The following NSUN3 variants were observed in gnomAD, a reference collection of about 807,000 sequenced individuals.
NSUN3 encodes tRNA (cytosine(34)-C(5))-methyltransferase, mitochondrial.
A neutral mutation model predicts 36.8 loss-of-function variants in NSUN3; 24 were observed. That is an observed-to-expected ratio of 0.65 (90% CI 0.47 to 0.92). The LOEUF (loss-of-function observed/expected upper bound fraction) is 0.92. NSUN3 is among the 40% of genes least tolerant of loss of function. NSUN3 has a pLI of 0.00. For synonymous variants in NSUN3, 146 were observed against 145.2 expected, an observed-to-expected ratio of 1.01 and a Z score of -0.04; for missense variants, 381 against 392.8, an observed-to-expected ratio of 0.97 and a Z score of 0.25.
At chr3:94,112,578 A>G (rs2077422228) in intron 5 of NSUN3, among the ~76,000 whole-genome samples, 1 of 152,196 alleles carries the variant, frequency 6.6e-6, no homozygotes, top group Non-Finnish European at 1.5e-5. Flanking sequence ...CAACCTCACA[A>G]TCCAGGGTGG....
chr3:94,083,300 G>A (rs536075943), intron 2 of NSUN3, among the ~76,000 whole-genome samples: 1 of 152,268 alleles, frequency 6.6e-6, no homozygotes, highest in African/African-American at 2.4e-5. Flanking sequence ...ACACAGCAAA[G>A]CAAGGAAAGA....
chr3:94,128,150 G>A lies in NSUN3; in HGVS notation c.*1660G>A, dbSNP rs2077494995. ...GAGGCAGGAGAATCACTTGAACCCAGGAGGCAGAGGTTGCAGTTAGCCAAG... is the reference window on the plus strand; with the variant it reads ...GAGGCAGGAGAATCACTTGAACCCAAGAGGCAGAGGTTGCAGTTAGCCAAG... On this transcript the variant is annotated 3_prime_UTR_variant, in exon 6 of 6. Coordinates refer to ENST00000314622, the MANE Select transcript of NSUN3 (RefSeq NM_022072.5). 1 of 152,134 alleles carries A rather than the reference G, an allele frequency of 6.6e-6. No individual in the cohort carries two copies. Among genetic ancestry groups the A allele is most frequent in the Non-Finnish European group, 1.5e-5 (1 of 68,048 alleles). The allele number at this position is 152,134 out of a possible 1,614,324, so 9.4% of individuals were successfully genotyped here. A position where few individuals can be genotyped will look rare whatever the true frequency, so the allele number is the denominator to read the frequency against.
In NSUN3 at chr3:94,076,620, G is replaced by T. The variant is rs2077247618; in HGVS notation, c.123-7487G>T. 8.5e-6 allele frequency: 8 copies of T among 938,810 alleles called. No individual in the cohort carries two copies. In the East Asian group the frequency reaches 9.5e-5, roughly 11 times the overall value. The allele number at this position is 938,810 out of a possible 1,614,324, so 58.2% of individuals were successfully genotyped here. ...CTAAGTAAGTGCCCACTGAGATTTG[G>T]CCAAGAAAGCCCATAGCCTTTTTTC... is the stretch of plus-strand genomic sequence containing the variant. On this transcript the variant is annotated intron_variant, in intron 2 of 5. Coordinates refer to ENST00000314622, the MANE Select transcript of NSUN3 (RefSeq NM_022072.5).
intron 2 of NSUN3, among the ~76,000 whole-genome samples, chr3:94,066,740 G>GT (rs1290124650): frequency 2.6e-5 from 4 of 152,094 alleles, no homozygotes; most frequent in Non-Finnish European, 4.4e-5. Flanking sequence ...CCATACTTCT[G>GT]TTTTTTAGCA....
intron 4 of NSUN3, 69 bp from the exon 5 acceptor site, chr3:94,094,963 CT>C (rs2077331369): frequency 1.3e-6 from 2 of 1,521,464 alleles, no homozygotes; most frequent in Admixed American, 3.5e-5. Flanking sequence ...TAGAGAACTT[CT>C]CTATCTACTT....
At chr3:94,090,853 A>G (rs373777893) in intron 3 of NSUN3, among the ~76,000 whole-genome samples, 1 of 152,248 alleles carries the variant, frequency 6.6e-6, no homozygotes. Context: ...AGGAATAAAA[A>G]ACAAAGCCAG....
In NSUN3 at chr3:94,076,234, C is replaced by T. The variant is rs2077245153; in HGVS notation, c.123-7873C>T. 5 of 919,578 alleles carry T rather than the reference C, an allele frequency of 5.4e-6. No homozygotes were observed. In the South Asian group the frequency reaches 6.5e-5, roughly 12 times the overall value. 57.0% of individuals were successfully genotyped at this position (919,578 alleles called of 1,614,324 possible). A position where few individuals can be genotyped will look rare whatever the true frequency, so the allele number is the denominator to read the frequency against. On this transcript the variant is annotated intron_variant, in intron 2 of 5. Coordinates refer to ENST00000314622, the MANE Select transcript of NSUN3 (RefSeq NM_022072.5). ...ACTACTGAACCTGGAATATTTCATC[C>T]ATGTGACTCAGAGGAATGCAACATA...
intron 2 of NSUN3, among the ~76,000 whole-genome samples, chr3:94,078,860 A>G (rs1000774068): frequency 6.6e-6 from 1 of 152,074 alleles, no homozygotes; most frequent in African/African-American, 2.4e-5. Flanking sequence ...TGAATACAGC[A>G]CACTGCTGGG....
chr3:94,087,629 G>T (rs1335867209), intron 3 of NSUN3, among the ~76,000 whole-genome samples: 2 of 152,162 alleles, frequency 1.3e-5, no homozygotes, highest in Non-Finnish European at 2.9e-5. Context: ...CTGGCTGAAG[G>T]CTATGTCCCT....
intron 5 of NSUN3, among the ~76,000 whole-genome samples, chr3:94,096,046 A>C (rs1202476008): frequency 6.6e-6 from 1 of 151,636 alleles, no homozygotes; most frequent in Non-Finnish European, 1.5e-5. Flanking sequence ...GGCGTGAGCC[A>C]CCACGCCTGG....
intron 2 of NSUN3, among the ~76,000 whole-genome samples, chr3:94,069,202 T>G (rs1434636532): frequency 6.6e-6 from 1 of 152,196 alleles, no homozygotes; most frequent in Admixed American, 6.5e-5. Context: ...CGCAAAGGAT[T>G]TCCTATCTGA....
At chr3:94,092,919 C>CAAAAAAA (rs1161530879) in intron 3 of NSUN3, among the ~76,000 whole-genome samples, 563 of 24,294 alleles carry the variant, frequency 0.023, 4 homozygotes, top group Non-Finnish European at 0.027. Context: ...GACTGCATCT[C>CAAAAAAA]AAAAAAAAAA....
intron 2 of NSUN3, among the ~76,000 whole-genome samples, chr3:94,069,715 T>A (rs1034780453): frequency 2.0e-5 from 3 of 152,248 alleles, no homozygotes; most frequent in African/African-American, 2.4e-5. Flanking sequence ...TTTAATTTTT[T>A]AATGCTTTAA....
At chr3:94,120,276 A>G (rs2077455928) in intron 5 of NSUN3, among the ~76,000 whole-genome samples, 1 of 152,252 alleles carries the variant, frequency 6.6e-6, no homozygotes, top group African/African-American at 2.4e-5. Flanking sequence ...GTTTAAAAAT[A>G]CATAACATAA....
chr3:94,098,152 A>G (rs558887156), intron 5 of NSUN3, among the ~76,000 whole-genome samples: 1 of 152,188 alleles, frequency 6.6e-6, no homozygotes, highest in South Asian at 2.1e-4. Flanking sequence ...GCCACCATAT[A>G]TTTGCCTAAG....
intron 5 of NSUN3, among the ~76,000 whole-genome samples, chr3:94,101,078 A>G (rs977984664): frequency 2.0e-5 from 3 of 152,024 alleles, no homozygotes; most frequent in Non-Finnish European, 2.9e-5. Context: ...TGCAGCCTCA[A>G]TCTCCTGGGC....
At chr3:94,076,688 A>G in intron 2 of NSUN3, 1 of 1,236,410 alleles carries the variant, frequency 8.1e-7, no homozygotes, top group South Asian at 1.2e-5. Context: ...GTCTCCAGAA[A>G]GATCTGGTTT....
intron 3 of NSUN3, among the ~76,000 whole-genome samples, chr3:94,085,642 C>G (rs1438497579): frequency 2.0e-4 from 31 of 152,048 alleles, no homozygotes; most frequent in Admixed American, 1.8e-3. Context: ...GTCTGTAGTC[C>G]CAGCTACTCG....
intron 5 of NSUN3, among the ~76,000 whole-genome samples, chr3:94,098,415 G>A (rs890562523): frequency 6.6e-6 from 1 of 152,068 alleles, no homozygotes; most frequent in East Asian, 1.9e-4. Flanking sequence ...TGAAAATCTC[G>A]TGTCAATTAT....
Sources: allele counts gnomAD v4.1 joint callset (sites outside exome capture counted in the v4.1 genomes callset), GRCh38; gene constraint gnomAD v4.1.1; transcripts MANE v1.5; gene names NCBI Gene and HGNC (gene_info 2026-07-23, HGNC 2026-07-21).